Variants in FANCG observed in about 807,000 individuals in gnomAD.
FANCG encodes FA complementation group G.
Under a neutral mutation model 73.3 loss-of-function variants are expected in FANCG, and 67 were observed. The ratio of observed to expected loss-of-function variants is 0.91; its 90% CI spans 0.75 to 1.12. The LOEUF is 1.12. FANCG is among the 50% of genes most tolerant of loss of function. FANCG has a pLI of 0.00. For missense variants in FANCG, 643 were observed against 735.6 expected (o/e 0.87, Z 1.46); for synonymous variants, 297 against 311.6 (o/e 0.95, Z 0.49).
At position 35,078,649 on chromosome 9, in the gene FANCG, A is replaced by C. The variant is rs763917164; in HGVS notation, c.263T>G (p.Phe88Cys). The C allele has an allele frequency of 4.3e-6, 7 of 1,614,062 alleles. No homozygotes were observed. The highest frequency in any genetic ancestry group is 2.7e-5 in the African/African-American group (2 of 74,912). ...GATATCCTGGGCCTGATCCTCTGTG[A>C]AACCCTGGGCCAAGCTTGCCCTCAG... The part of the protein sequence containing the change: ...IILRASLAQG[F>C]TEDQAQDIQR... The change falls in exon 3 of 14, where the codon TTC (phenylalanine) becomes TGC (cysteine). Residue 88 changes from phenylalanine to cysteine, a missense_variant. By Grantham distance (205) the Phe-to-Cys change is radical. Coordinates refer to ENST00000378643, the MANE Select transcript of FANCG (RefSeq NM_004629.2).
Position 35,077,006 on chromosome 9 carries a change from C to A in FANCG, c.742G>T (p.Val248Leu). Residue 248 changes from valine to leucine, a missense_variant, in exon 6 of 14, where the codon GTG becomes TTG. Coordinates refer to ENST00000378643, the MANE Select transcript of FANCG (RefSeq NM_004629.2). ...GLCPRPVLVQ[V>L]YTALGSCHRK... ...TGACAGGACCCCAGTGCTGTGTACA[C>A]CTGGACCAACACAGGCCGTGGACAC... is the stretch of plus-strand genomic sequence containing the variant. 2.5e-6 allele frequency: 4 copies of A among 1,614,250 alleles called. No individual in the cohort carries two copies. Among genetic ancestry groups the A allele is most frequent in the Non-Finnish European group, 3.4e-6 (4 of 1,180,040 alleles).
Position 35,076,501 on chromosome 9 carries a change from G to T in FANCG, c.1007C>A (p.Ser336Ter), listed in dbSNP as rs2131055405. 6.2e-7 allele frequency: 1 copy of T among 1,614,226 alleles called. No homozygotes were observed. The highest frequency in any genetic ancestry group is 8.5e-7 in the Non-Finnish European group (1 of 1,180,040). Residue 336 changes from serine to a stop codon, truncating the protein, a stop_gained, in exon 8 of 14, where the codon TCA (serine) becomes TAA (stop). Transcript: ENST00000378643. LOFTEE classifies it high-confidence loss of function. ...GCTCTGAGTGCCACAATGAAGGGGT[G>T]AGGCTAGGTCAGGTGGTGGCAGTAG... The part of the protein sequence containing the change: ...ELLLPPPDLA[S>*]PLHCGTQSQT...
chr9:35,077,691 T>C (rs917716043), intron 4 of FANCG, among the ~76,000 whole-genome samples: 2 of 151,990 alleles, frequency 1.3e-5, no homozygotes, highest in Admixed American at 6.5e-5. Context: ...TTTGAGTTAC[T>C]AATAAGGAGA....
chr9:35,075,685 T>C lies in FANCG; in HGVS notation c.1213A>G (p.Ile405Val). 6.7e-7 allele frequency: 1 copy of C among 1,503,216 alleles called. No homozygotes were observed. Among genetic ancestry groups the C allele is most frequent in the Non-Finnish European group, 9.0e-7 (1 of 1,112,880 alleles). 93.1% of individuals were successfully genotyped at this position (1,503,216 alleles called of 1,614,324 possible). The change falls in exon 10 of 14, where the codon ATC becomes GTC. Residue 405 changes from isoleucine to valine, a missense_variant. By Grantham distance (29) the Ile-to-Val change is conservative. Coordinates refer to ENST00000378643, the MANE Select transcript of FANCG (RefSeq NM_004629.2). The stretch of plus-strand genomic sequence containing the variant: ...GCATCTTGGGCTCTGCCTGCCTGGA[T>C]CAGTGCTACCGCTGCCTCCAAAAAC... The part of the protein sequence containing the change: ...EVFLEAAVAL[I>V]QAGRAQDALT...
At chr9:35,079,110 T>C (rs1170167640) in intron 2 of FANCG, 41 bp downstream of exon 2, 3 of 1,516,748 alleles carry the variant, frequency 2.0e-6, no homozygotes, top group Non-Finnish European at 2.7e-6. Context: ...TCTCTGGCTA[T>C]GGAAGAGGGG....
intron 4 of FANCG, 22 bp downstream of exon 4, chr9:35,078,119 T>C: frequency 6.2e-7 from 1 of 1,609,280 alleles, no homozygotes; most frequent in Non-Finnish European, 8.5e-7. Flanking sequence ...GACCCTCAGC[T>C]TCAGGTCACT....
In FANCG at chr9:35,078,354, T is replaced by G; in HGVS notation, c.308-11A>C. 1 of 1,611,710 alleles carries G rather than the reference T, an allele frequency of 6.2e-7. No homozygotes were observed. Among genetic ancestry groups the G allele is most frequent in the Admixed American group, 1.7e-5 (1 of 59,992 alleles). ...CCTGTGTCTCCAGCACTGTAGAGTA[T>G]ACACACACACATAGACACACACACA... On this transcript the variant is annotated splice_polypyrimidine_tract_variant and intron_variant, in intron 3 of 13. Coordinates refer to ENST00000378643, the MANE Select transcript of FANCG (RefSeq NM_004629.2).
At chr9:35,076,647 T>A in intron 7 of FANCG, 64 bp from the exon 8 acceptor site, 1 of 1,613,992 alleles carries the variant, frequency 6.2e-7, no homozygotes, top group Non-Finnish European at 8.5e-7. Context: ...TATACTTGGA[T>A]CTTGACTAGT....
At chr9:35,079,003 G>A in intron 2 of FANCG, 148 bp downstream of exon 2, 1 of 804,062 alleles carries the variant, frequency 1.2e-6, no homozygotes, top group Non-Finnish European at 2.1e-6. Context: ...GGATTTGCCT[G>A]TACAAAGATG....
chr9:35,078,153 C>T lies in FANCG; in HGVS notation c.498G>A (p.Leu166=). The T allele has an allele frequency of 6.2e-7, 1 of 1,614,152 alleles. No individual in the cohort carries two copies. The highest frequency in any genetic ancestry group is 1.1e-5 in the South Asian group (1 of 91,082). Residue 166 remains leucine, a synonymous_variant, in exon 4 of 14, where the codon CTG becomes CTA. Coordinates refer to ENST00000378643, the MANE Select transcript of FANCG (RefSeq NM_004629.2). ...LGDLALLLET[L]NGSQSGASKD... ...CTTTCCCTATTACCTGGCTGCCATT[C>T]AGGGTCTCTAGTAACAAGGCCAGGT...
rs577034505 is a variant in FANCG, at chr9:35,078,881, A to G, written c.176-145T>C. ...AGCCAATTAGCTAAGGATTTAAAAA[A>G]AGAACCCAACCTTTGGACAGAGAGT... On this transcript the variant is annotated intron_variant, in intron 2 of 13. Coordinates refer to ENST00000378643, the MANE Select transcript of FANCG (RefSeq NM_004629.2). 1.8e-4 allele frequency: 216 copies of G among 1,228,170 alleles called. 2 individuals are homozygous for G. The highest frequency in any genetic ancestry group is 1.4e-4 in the Non-Finnish European group (120 of 870,678). 76.1% of individuals were successfully genotyped at this position (1,228,170 alleles called of 1,614,324 possible).
chr9:35,075,221 C>T (rs1375354189), intron 11 of FANCG, 58 bp downstream of exon 11: 4 of 1,606,808 alleles, frequency 2.5e-6, no homozygotes, highest in Non-Finnish European at 3.4e-6. Context: ...TTAAAGGGAA[C>T]CCACTTCCAC....
chr9:35,074,570 G>A, intron 12 of FANCG, 76 bp from the exon 13 acceptor site: 1 of 1,585,066 alleles, frequency 6.3e-7, no homozygotes, highest in South Asian at 1.1e-5. Flanking sequence ...AAGGGAAACT[G>A]AGGCCTAGAG....
intron 8 of FANCG, 174 bp from the exon 9 acceptor site, chr9:35,076,202 A>G (rs1829079806): frequency 1.2e-6 from 1 of 803,904 alleles, no homozygotes; most frequent in East Asian, 2.6e-5. Flanking sequence ...CCCCAGTTAC[A>G]GAATGGACTG....
rs1458398008 is a variant in FANCG at position 35,076,826 on chromosome 9, T to C, written c.822A>G (p.Lys274=). Residue 274 remains lysine (K), a synonymous_variant, in exon 7 of 14, where the codon AAA becomes AAG. Transcript: ENST00000378643. ...RALLYLVAAL[K]EGSAWGPPLL... ...GTGGAGGACCCCAGGCTGATCCCTC[T>C]TTCAGGGCTGCAACCAAGTACAACA... The C allele has an allele frequency of 3.7e-6, 6 of 1,614,158 alleles. No homozygotes were observed. In the South Asian group the frequency reaches 6.6e-5, roughly 18 times the overall value.
rs2131053154 is a variant in FANCG at position 35,075,091 on chromosome 9, C to A, written c.1481-9G>T. ...ACAGTTGAAAGCTGCCCCTGGGGAC[C>A]ACTCCCAAAGTCAAGAAGTGTCTTC... On this transcript the variant is annotated splice_polypyrimidine_tract_variant and intron_variant, in intron 11 of 13. Transcript: ENST00000378643. 1.9e-6 allele frequency: 3 copies of A among 1,613,768 alleles called. No homozygotes were observed. The South Asian group carries it at 3.3e-5, about 18-fold the overall frequency.
At position 35,079,460 on chromosome 9, in the gene FANCG, C is replaced by T. The variant is rs1829144428; in HGVS notation, c.65G>A (p.Arg22Gln). Residue 22 changes from arginine (R) to glutamine (Q), a missense_variant, in exon 1 of 14, where the codon CGG (arginine) becomes CAG (glutamine). Coordinates refer to ENST00000378643, the MANE Select transcript of FANCG (RefSeq NM_004629.2). ...TGTTACCTTGGCCTGTCGAACGAGCCGGTCATTCTTTTCCCTCCACAGGTC... is the reference window on the plus strand; with the variant it reads ...TGTTACCTTGGCCTGTCGAACGAGCTGGTCATTCTTTTCCCTCCACAGGTC... Reference protein sequence around the residue: ...CLDLWREKNDRLVRQAKVAQN... With the variant: ...CLDLWREKNDQLVRQAKVAQN... 1.2e-6 allele frequency: 2 copies of T among 1,614,158 alleles called. No individual in the cohort carries two copies. The highest frequency in any genetic ancestry group is 1.6e-4 in the Middle Eastern group (1 of 6,062).
chr9:35,076,780 A>G lies in FANCG; in HGVS notation c.868T>C (p.Tyr290His), dbSNP rs571751302. The change falls in exon 7 of 14, where the codon TAT becomes CAT. Residue 290 changes from tyrosine to histidine, a missense_variant. Coordinates refer to ENST00000378643, the MANE Select transcript of FANCG (RefSeq NM_004629.2). ...GCTGTTGTGTCCCCCAGTTGCTGAT[A>G]GAGCCTAGAGGCCTCCAGAAGTGGA... ...GPPLLEASRL[Y>H]QQLGDTTAEL... is the part of the protein sequence containing the mutation. 17 of 1,614,186 alleles carry G rather than the reference A, an allele frequency of 1.1e-5. No individual in the cohort carries two copies. In the African/African-American group the frequency reaches 1.3e-4, roughly 13 times the overall value.
chr9:35,075,863 C>T (rs930687537), intron 9 of FANCG, 99 bp downstream of exon 9: 2 of 1,542,200 alleles, frequency 1.3e-6, no homozygotes, highest in Middle Eastern at 1.7e-4. Flanking sequence ...ACTGGACAGA[C>T]AGAATAGAGG....
Sources: allele counts gnomAD v4.1 joint callset (sites outside exome capture counted in the v4.1 genomes callset), GRCh38; gene constraint gnomAD v4.1.1; transcripts MANE v1.5; gene names NCBI Gene and HGNC (gene_info 2026-07-23, HGNC 2026-07-21).